The following KIF15 variants were observed in gnomAD, a reference collection of about 807,000 sequenced individuals.
The protein encoded by KIF15 is kinesin-like protein KIF15.
KIF15 carries 140 observed loss-of-function variants against 190.6 expected under a neutral mutation model. The observed-to-expected ratio is 0.73, with a 90% confidence interval of 0.64 to 0.84. The LOEUF is 0.84. KIF15 is among the 40% of genes least tolerant of loss of function. The pLI, the probability that KIF15 is intolerant of heterozygous loss-of-function variation, is 0.00. For synonymous variants in KIF15, 528 were observed against 551.3 expected (o/e 0.96, Z 0.59); for missense variants, 1,372 against 1,584.4 (o/e 0.87, Z 2.28).
rs1246607989 is a variant in KIF15 at position 44,805,883 on chromosome 3, T to G, written c.1868T>G (p.Leu623Trp). Residue 623 changes from leucine to tryptophan, a missense_variant, in exon 16 of 35, where the codon TTG becomes TGG. Transcript: ENST00000326047. ...QLELESELQS[L>W]QKANLNLENL... is the part of the protein sequence containing the mutation. ...GAATTGGAATCAGAGCTTCAGTCTT[T>G]GCAAAAAGCGAACCTTAATCTTGAA... 14 of 1,614,162 alleles carry G rather than the reference T, an allele frequency of 8.7e-6. No individual in the cohort carries two copies. Among genetic ancestry groups the G allele is most frequent in the Non-Finnish European group, 1.2e-5 (14 of 1,180,010 alleles).
At chr3:44,763,991 G>A (rs1214586663) in intron 1 of KIF15, among the ~76,000 whole-genome samples, 4 of 152,144 alleles carry the variant, frequency 2.6e-5, no homozygotes, top group African/African-American at 7.2e-5. Flanking sequence ...CCTGGCCTAA[G>A]ATTCCCTTTC....
chr3:44,787,928 C>A (rs965857943), intron 7 of KIF15, among the ~76,000 whole-genome samples: 1 of 151,910 alleles, frequency 6.6e-6, no homozygotes, highest in Non-Finnish European at 1.5e-5. Flanking sequence ...AATCTTGGCT[C>A]ACTGCAACCT....
intron 10 of KIF15, among the ~76,000 whole-genome samples, chr3:44,798,735 A>T (rs1451127690): frequency 6.6e-6 from 1 of 152,194 alleles, no homozygotes; most frequent in Non-Finnish European, 1.5e-5. Context: ...AAGCAAATTA[A>T]GTATGTGAGT....
At chr3:44,864,538 GA>G (rs965569733) in intron 6 of KIF15, among the ~76,000 whole-genome samples, 9 of 152,150 alleles carry the variant, frequency 5.9e-5, no homozygotes, top group African/African-American at 2.2e-4. Flanking sequence ...TCTTAAGTTA[GA>G]TATGAGTGAA....
chr3:44,857,680 AG>A (rs1402593661), downstream of KIF15, among the ~76,000 whole-genome samples: 54 of 152,234 alleles, frequency 3.5e-4, no homozygotes, highest in Non-Finnish European at 8.8e-5. Flanking sequence ...TGGCAAAACC[AG>A]GTATCCAAAG....
chr3:44,841,067 A>T lies in KIF15; in HGVS notation c.3421-7A>T. The stretch of plus-strand genomic sequence containing the variant: ...GGATATTTGGATGAGATGTGATTTT[A>T]TTTTAGAGTCCTAAGACACCACCTC... On this transcript the variant is annotated splice_region_variant and splice_polypyrimidine_tract_variant and intron_variant, in intron 28 of 34. Transcript: ENST00000326047. The T allele has an allele frequency of 6.3e-7, 1 of 1,599,492 alleles. No homozygotes were observed. Among genetic ancestry groups the T allele is most frequent in the Non-Finnish European group, 8.5e-7 (1 of 1,174,748 alleles).
chr3:44,847,824 C>T (rs1338432726), intron 30 of KIF15, among the ~76,000 whole-genome samples, 161 bp from the exon 31 acceptor site: 5 of 152,242 alleles, frequency 3.3e-5, no homozygotes, highest in African/African-American at 1.2e-4. Flanking sequence ...GTGTCAATCA[C>T]ATTTATCAAC....
At chr3:44,773,289 C>A (rs1357612091) in intron 1 of KIF15, among the ~76,000 whole-genome samples, 1 of 152,154 alleles carries the variant, frequency 6.6e-6, no homozygotes, top group African/African-American at 2.4e-5. Context: ...GGAGAGAAAT[C>A]TTTAATTGCT....
At chr3:44,795,966 GTTC>G (rs1266319959) in intron 8 of KIF15, among the ~76,000 whole-genome samples, 1 of 152,022 alleles carries the variant, frequency 6.6e-6, no homozygotes, top group Non-Finnish European at 1.5e-5. Context: ...GGTTCAAGCA[GTTC>G]TTCTGCCTCA....
intron 7 of KIF15, among the ~76,000 whole-genome samples, chr3:44,793,705 T>A (rs1259816690): frequency 6.6e-6 from 1 of 152,176 alleles, no homozygotes; most frequent in Non-Finnish European, 1.5e-5. Flanking sequence ...AGGCAATAGA[T>A]ACTCCTCACC....
Position 44,848,072 on chromosome 3 carries a change from T to TA in KIF15, c.3768+16dup. The TA allele has an allele frequency of 6.8e-7, 1 of 1,472,144 alleles. No homozygotes were observed. Among genetic ancestry groups the TA allele is most frequent in the South Asian group, 1.2e-5 (1 of 86,636 alleles). 91.2% of individuals were successfully genotyped at this position (1,472,144 alleles called of 1,614,324 possible). Reference sequence around the variant, plus strand: ...GACTTGCAAAAGTAAGATTTTTTTTTATGTAATAGTTTCTTCTTGTCTGAG... The same window carrying TA: ...GACTTGCAAAAGTAAGATTTTTTTTTAATGTAATAGTTTCTTCTTGTCTGAG... On this transcript the variant is annotated intron_variant, in intron 31 of 34. Transcript: ENST00000326047.
At chr3:44,829,374 A>ATATATATG (rs1553658416) in intron 24 of KIF15, among the ~76,000 whole-genome samples, 2 of 136,824 alleles carry the variant, frequency 1.5e-5, no homozygotes, top group Non-Finnish European at 3.1e-5. Flanking sequence ...ATATATATAT[A>ATATATATG]TGTGTGTGTG....
At position 44,828,306 on chromosome 3, in the gene KIF15, T is replaced by C. The variant is rs569419644; in HGVS notation, c.2943+6T>C. 6.3e-7 allele frequency: 1 copy of C among 1,595,410 alleles called. No individual in the cohort carries two copies. Among genetic ancestry groups the C allele is most frequent in the East Asian group, 2.2e-5 (1 of 44,770 alleles). On this transcript the variant is annotated splice_donor_region_variant and intron_variant, in intron 24 of 34. Coordinates refer to ENST00000326047, the MANE Select transcript of KIF15 (RefSeq NM_020242.3). ...AGTCTAGAGATTCTGATAAGGTTGG[T>C]AGAGTTTGAAGCTACATCTCTCTGT...
chr3:44,827,321 TC>T (rs569276105), intron 22 of KIF15, 137 bp from the exon 23 acceptor site: 7 of 606,086 alleles, frequency 1.2e-5, no homozygotes, highest in Admixed American at 9.0e-5. Context: ...AAATTTCTGA[TC>T]CCCCCGGAAG....
chr3:44,864,320 A>G (rs779592846), intron 6 of KIF15: 3 of 1,614,052 alleles, frequency 1.9e-6, no homozygotes, highest in Admixed American at 3.3e-5. Flanking sequence ...TGTCACAGTG[A>G]CTTTTTCAAA....
Position 44,780,790 on chromosome 3 carries a change from C to G in KIF15, c.324-95C>G, listed in dbSNP as rs1460851202. 1.2e-5 allele frequency: 9 copies of G among 766,834 alleles called. No homozygotes were observed. The South Asian group carries it at 1.8e-4, about 16-fold the overall frequency. 47.5% of individuals were successfully genotyped at this position (766,834 alleles called of 1,614,324 possible). A position where few individuals can be genotyped will look rare whatever the true frequency, so the allele number is the denominator to read the frequency against. ...TAAAAATAGAAAGAAAATAAGCTAA[C>G]TTTTTGTGGAGAAAACTTATACACT... is the stretch of plus-strand genomic sequence containing the variant. On this transcript the variant is annotated intron_variant, in intron 4 of 34. Transcript: ENST00000326047.
At position 44,802,983 on chromosome 3, in the gene KIF15, G is replaced by C; in HGVS notation, c.1679G>C (p.Ser560Thr). ...AFSEISGMEK[S>T]DKNQQGFSPK... ...TCTGAAATAAGTGGCATGGAGAAAA[G>C]TGACAAAAGTAAGAAATGATTGTTG... Residue 560 changes from serine to threonine, a missense_variant, in exon 14 of 35, where the codon AGT (serine) becomes ACT (threonine). Transcript: ENST00000326047. 1 of 1,592,656 alleles carries C rather than the reference G, an allele frequency of 6.3e-7. No individual in the cohort carries two copies. Among genetic ancestry groups the C allele is most frequent in the Non-Finnish European group, 8.5e-7 (1 of 1,174,118 alleles).
At chr3:44,806,121 TCTTTGG>T in intron 16 of KIF15, 135 bp downstream of exon 16, 6 of 954,974 alleles carry the variant, frequency 6.3e-6, no homozygotes, top group Non-Finnish European at 7.6e-6. Flanking sequence ...GTCACACTGG[TCTTTGG>T]GTTACTGCTA....
At chr3:44,797,031 TTTG>T (rs773927236) in intron 8 of KIF15, among the ~76,000 whole-genome samples, 1 of 152,148 alleles carries the variant, frequency 6.6e-6, no homozygotes, top group Non-Finnish European at 1.5e-5. Flanking sequence ...TTTGTCTTTT[TTTG>T]TTGTTGTTTT....
Sources: allele counts gnomAD v4.1 joint callset (sites outside exome capture counted in the v4.1 genomes callset), GRCh38; gene constraint gnomAD v4.1.1; transcripts MANE v1.5; gene names NCBI Gene and HGNC (gene_info 2026-07-23, HGNC 2026-07-21).